PRKAG2: variants seen among roughly 807,000 people sequenced by gnomAD.
PRKAG2 encodes protein kinase AMP-activated non-catalytic subunit gamma 2.
PRKAG2 carries 26 observed loss-of-function variants against 69.6 expected under a neutral mutation model. The ratio of observed to expected loss-of-function variants is 0.37; its 90% CI spans 0.27 to 0.52. The LOEUF (loss-of-function observed/expected upper bound fraction) is 0.52. PRKAG2 is among the 20% of genes least tolerant of loss of function. The pLI, the probability that PRKAG2 is intolerant of heterozygous loss-of-function variation, is 0.90. For synonymous variants in PRKAG2, 293 were observed against 285.0 expected (o/e 1.03, Z -0.28); for missense variants, 557 against 740.0 (o/e 0.75, Z 2.87).
chr7:151,876,672 C>T lies in PRKAG2; in HGVS notation c.-52G>A, dbSNP rs779482544. On this transcript the variant is annotated 5_prime_UTR_variant, in exon 1 of 16. Transcript: ENST00000287878. ...AAACTCCTCGGGGGTTCGGTCCCCT[C>T]CTTCCCTCCCCCGGCCGCTGCCTTC... 1 of 1,543,704 alleles carries T rather than the reference C, an allele frequency of 6.5e-7. No individual in the cohort carries two copies. Among genetic ancestry groups the T allele is most frequent in the East Asian group, 2.3e-5 (1 of 44,384 alleles).
intron 4 of PRKAG2, among the ~76,000 whole-genome samples, chr7:151,668,921 A>G (rs1458014894): frequency 6.6e-6 from 1 of 152,238 alleles, no homozygotes; most frequent in East Asian, 1.9e-4. Flanking sequence ...CATGGGAGTG[A>G]CTGCTGTGGA....
At chr7:151,843,281 G>A (rs781385302) in intron 1 of PRKAG2, among the ~76,000 whole-genome samples, 2 of 152,158 alleles carry the variant, frequency 1.3e-5, no homozygotes, top group Non-Finnish European at 2.9e-5. Flanking sequence ...CAGCAGCAGG[G>A]CTATGTCTCA....
chr7:151,848,088 T>C (rs2079478343), intron 1 of PRKAG2, among the ~76,000 whole-genome samples: 1 of 152,248 alleles, frequency 6.6e-6, no homozygotes, highest in South Asian at 2.1e-4. Flanking sequence ...GAGACGAGGC[T>C]GAGGACTTCA....
At chr7:151,595,859 G>A (rs1814364316) in intron 5 of PRKAG2, among the ~76,000 whole-genome samples, 1 of 152,084 alleles carries the variant, frequency 6.6e-6, no homozygotes. Context: ...GGGAAAAGTT[G>A]GAAGCTTTCC....
At chr7:151,857,720 G>A (rs764887750) in intron 1 of PRKAG2, among the ~76,000 whole-genome samples, 2 of 152,228 alleles carry the variant, frequency 1.3e-5, no homozygotes, top group Non-Finnish European at 2.9e-5. Flanking sequence ...AGGACCTGCT[G>A]GCTTGGGAGC....
Position 151,780,618 on chromosome 7 carries a change from A to G in PRKAG2, c.466+534T>C, listed in dbSNP as rs1014535902. On this transcript the variant is annotated intron_variant, in intron 3 of 15. Transcript: ENST00000287878. The surrounding 1 kb of genome is among the most constrained non-coding windows in gnomAD (Gnocchi z 4.2). ...TTAAACACTCACATTTCCTCCTTCC[A>G]TTTCCCCAGCAAATCCCTCCTAGCT... 2.6e-5 allele frequency among the ~76,000 whole-genome samples: 4 copies of G among 152,104 alleles called. No homozygotes were observed. The highest frequency in any genetic ancestry group is 9.7e-5 in the African/African-American group (4 of 41,406).
At chr7:151,653,970 T>G (rs1188884005) in intron 4 of PRKAG2, among the ~76,000 whole-genome samples, 3 of 152,244 alleles carry the variant, frequency 2.0e-5, no homozygotes, top group Non-Finnish European at 4.4e-5. Context: ...CCTACTTAAG[T>G]TGATAAATAC....
rs548787136 is a variant in PRKAG2 at position 151,837,831 on chromosome 7, C to A, written c.114+38676G>T. ...TGTCTTAGGGAGGAATTACTTCCTA[C>A]AGCTAATCCAGAGTTCCCGCCCCCT... On this transcript the variant is annotated intron_variant, in intron 1 of 15. Transcript: ENST00000287878. 3.9e-5 allele frequency among the ~76,000 whole-genome samples: 6 copies of A among 152,334 alleles called. 1 individual carries two copies. In the South Asian group the frequency reaches 1.0e-3, roughly 26 times the overall value.
At chr7:151,862,552 T>C (rs1459457902) in intron 1 of PRKAG2, among the ~76,000 whole-genome samples, 1 of 152,148 alleles carries the variant, frequency 6.6e-6, no homozygotes, top group Non-Finnish European at 1.5e-5. Flanking sequence ...TCATCATCAT[T>C]GTCAACATTC....
intron 5 of PRKAG2, among the ~76,000 whole-genome samples, chr7:151,600,574 G>A (rs73158121): frequency 0.14 from 21,146 of 152,078 alleles, 1,578 homozygotes; most frequent in East Asian, 0.26. Flanking sequence ...TCTCTCAAAT[G>A]TCTCCCTCCT....
intron 3 of PRKAG2, among the ~76,000 whole-genome samples, chr7:151,749,479 A>G (rs1384916575): frequency 6.6e-6 from 1 of 152,224 alleles, no homozygotes; most frequent in Non-Finnish European, 1.5e-5. Context: ...CTCTGCTGTT[A>G]TGAAACATTT....
chr7:151,691,569 C>T (rs1835673884), intron 3 of PRKAG2, among the ~76,000 whole-genome samples: 1 of 151,414 alleles, frequency 6.6e-6, no homozygotes, highest in South Asian at 2.1e-4. Context: ...ATATGATATT[C>T]ACCATCATTA....
intron 3 of PRKAG2, among the ~76,000 whole-genome samples, chr7:151,754,865 C>T (rs1190634563): frequency 1.3e-5 from 2 of 152,098 alleles, no homozygotes; most frequent in African/African-American, 2.4e-5. Flanking sequence ...CTTCCGAAGG[C>T]CACTGTGGTA....
chr7:151,741,139 G>T (rs976983154), intron 3 of PRKAG2, among the ~76,000 whole-genome samples: 1 of 151,994 alleles, frequency 6.6e-6, no homozygotes, highest in African/African-American at 2.4e-5. Context: ...CTTGAGCCCG[G>T]GAGGTCCAGG....
At chr7:151,778,583 T>C (rs1192967857) in intron 3 of PRKAG2, among the ~76,000 whole-genome samples, 5 of 152,180 alleles carry the variant, frequency 3.3e-5, no homozygotes, top group Non-Finnish European at 5.9e-5. Context: ...ATCCCAGCAT[T>C]CCCCAGCTAG....
intron 3 of PRKAG2, among the ~76,000 whole-genome samples, chr7:151,769,439 GAC>G (rs2075909298): frequency 6.6e-6 from 1 of 152,228 alleles, no homozygotes; most frequent in Admixed American, 6.5e-5. Flanking sequence ...AAAAGAGACA[GAC>G]ACACACAGAG....
chr7:151,619,663 T>C (rs550182159), intron 5 of PRKAG2, among the ~76,000 whole-genome samples: 9 of 152,320 alleles, frequency 5.9e-5, no homozygotes, highest in African/African-American at 2.2e-4. Context: ...GTGTTTAAAA[T>C]TGAGTCCTCA....
At chr7:151,669,807 C>G (rs1017736767) in intron 4 of PRKAG2, among the ~76,000 whole-genome samples, 2 of 122,888 alleles carry the variant, frequency 1.6e-5, no homozygotes, top group African/African-American at 8.5e-5. Context: ...CACACACTTG[C>G]ACACACACAC....
At chr7:151,700,966 C>T (rs949498942) in intron 3 of PRKAG2, among the ~76,000 whole-genome samples, 19 of 152,232 alleles carry the variant, frequency 1.2e-4, no homozygotes, top group Non-Finnish European at 2.6e-4. Context: ...ACAGGCGAGA[C>T]CACAGAGCAT....
Sources: allele counts gnomAD v4.1 joint callset (sites outside exome capture counted in the v4.1 genomes callset), GRCh38; gene constraint gnomAD v4.1.1; non-coding constraint Gnocchi (gnomAD v3.1); transcripts MANE v1.5; gene names NCBI Gene and HGNC (gene_info 2026-07-23, HGNC 2026-07-21).